ANKIB1: variants seen among roughly 807,000 people sequenced by gnomAD.
The protein encoded by ANKIB1 is ankyrin repeat and IBR domain-containing protein 1.
In ANKIB1, 43 loss-of-function variants were observed where a neutral mutation model predicts 122.1. That is an observed-to-expected ratio of 0.35 (90% CI 0.28 to 0.45). The LOEUF is 0.45. Ranked by LOEUF, ANKIB1 falls within the 20% of genes least tolerant of loss-of-function variation. ANKIB1 has a pLI of 1.00. For missense variants in ANKIB1, 992 were observed against 1,329.5 expected (o/e 0.75, Z 3.95); for synonymous variants, 390 against 442.0 (o/e 0.88, Z 1.48).
chr7:92,285,119 G>A (rs1802092528), intron 1 of ANKIB1, among the ~76,000 whole-genome samples: 1 of 152,142 alleles, frequency 6.6e-6, no homozygotes, highest in Non-Finnish European at 1.5e-5. Flanking sequence ...CCAGGCTGGA[G>A]TGCAGTGGCA....
At chr7:92,386,751 TA>T (rs1460626197) in intron 12 of ANKIB1, 108 bp downstream of exon 12, 9 of 1,022,700 alleles carry the variant, frequency 8.8e-6, no homozygotes, top group Non-Finnish European at 1.2e-5. Context: ...TTAAATTGAA[TA>T]TACTTTATTA....
intron 15 of ANKIB1, 129 bp downstream of exon 15, chr7:92,390,245 A>G (rs866530035): frequency 8.0e-5 from 62 of 772,216 alleles, no homozygotes; most frequent in South Asian, 6.0e-4. Context: ...CATTTTTTAA[A>G]TGGTTTTTAA....
chr7:92,383,133 A>G (rs1804557733), intron 11 of ANKIB1, among the ~76,000 whole-genome samples: 1 of 152,244 alleles, frequency 6.6e-6, no homozygotes, highest in African/African-American at 2.4e-5. Flanking sequence ...ATAAACTAGA[A>G]AATCTAGAAG....
At chr7:92,306,100 T>C (rs1417074233) in intron 2 of ANKIB1, among the ~76,000 whole-genome samples, 3 of 147,654 alleles carry the variant, frequency 2.0e-5, no homozygotes, top group African/African-American at 7.4e-5. Context: ...CCTTCTTCTA[T>C]AACATCCCAG....
At chr7:92,342,131 G>A (rs2131974839) in intron 5 of ANKIB1, among the ~76,000 whole-genome samples, 1 of 152,058 alleles carries the variant, frequency 6.6e-6, no homozygotes, top group East Asian at 1.9e-4. Context: ...TGCCTACAGT[G>A]AATAATTTAC....
intron 5 of ANKIB1, among the ~76,000 whole-genome samples, chr7:92,335,659 A>AAT (rs1803272448): frequency 6.6e-6 from 1 of 151,934 alleles, no homozygotes; most frequent in Non-Finnish European, 1.5e-5. Context: ...ATCTGATACT[A>AAT]ATATAGCACT....
chr7:92,312,500 A>G (rs1396853198), intron 3 of ANKIB1, among the ~76,000 whole-genome samples: 1 of 152,190 alleles, frequency 6.6e-6, no homozygotes, highest in Admixed American at 6.5e-5. Context: ...GCCACAGACA[A>G]TACAGAAACA....
chr7:92,319,215 C>T (rs984037471), intron 3 of ANKIB1, 115 bp from the exon 4 acceptor site: 2 of 640,548 alleles, frequency 3.1e-6, no homozygotes, highest in Non-Finnish European at 2.6e-6. Flanking sequence ...ACATACTGTA[C>T]ATACTGTTGC....
chr7:92,337,837 T>A (rs1416895814), intron 5 of ANKIB1, among the ~76,000 whole-genome samples: 4 of 152,154 alleles, frequency 2.6e-5, no homozygotes, highest in Non-Finnish European at 5.9e-5. Context: ...TAGTTATTTA[T>A]TGAAATCTAA....
chr7:92,281,825 GTAGT>G (rs1802016929), intron 1 of ANKIB1, among the ~76,000 whole-genome samples: 1 of 152,136 alleles, frequency 6.6e-6, no homozygotes, highest in Non-Finnish European at 1.5e-5. Flanking sequence ...GTTGTTCTTT[GTAGT>G]TAGTTTGAGA....
Position 92,343,215 on chromosome 7 carries a change from G to A in ANKIB1, c.979G>A (p.Asp327Asn). Residue 327 changes from aspartate to asparagine, a missense_variant, in exon 6 of 20, where the codon GAT becomes AAT. Physicochemically the swap from Asp to Asn is conservative, Grantham distance 23 (BLOSUM62 1). Around this residue, in one of 4 missense-constraint regions of ANKIB1, gnomAD observed 521 missense variants for 777.7 expected, o/e 0.67. Transcript: ENST00000265742. The stretch of plus-strand genomic sequence containing the variant: ...AGATGAAATCAGCTTATCTCCTGGG[G>A]ATTTAGACACCAGTTTGGTATGGTT... ...SPDEISLSPGDLDTSLCDICM... is the reference protein window; with the variant it reads ...SPDEISLSPGNLDTSLCDICM... 1 of 1,613,760 alleles carries A rather than the reference G, an allele frequency of 6.2e-7. No homozygotes were observed. Among genetic ancestry groups the A allele is most frequent in the Non-Finnish European group, 8.5e-7 (1 of 1,179,784 alleles).
intron 5 of ANKIB1, among the ~76,000 whole-genome samples, chr7:92,337,224 G>C (rs1390259392): frequency 1.3e-5 from 2 of 152,148 alleles, no homozygotes; most frequent in Non-Finnish European, 2.9e-5. Flanking sequence ...CTAGAGCTCA[G>C]AATCATTTAA....
At chr7:92,343,962 T>A (rs1294864140) in intron 6 of ANKIB1, among the ~76,000 whole-genome samples, 1 of 152,122 alleles carries the variant, frequency 6.6e-6, no homozygotes, top group African/African-American at 2.4e-5. Flanking sequence ...ATTTCTTGAA[T>A]GACTCAGCCA....
Position 92,366,526 on chromosome 7 carries a change from A to G in ANKIB1, c.1486+4253A>G, listed in dbSNP as rs143308723. 3.5e-3 allele frequency among the ~76,000 whole-genome samples: 531 copies of G among 152,316 alleles called. 4 individuals carry two copies. Among genetic ancestry groups the G allele is most frequent in the African/African-American group, 0.012 (500 of 41,566 alleles). ...TCATTCACTCAAGCAGTCTTAAACT[A>G]TGGGTATGATCTTTTAGGTTTATAT... On this transcript the variant is annotated intron_variant, in intron 10 of 19. Transcript: ENST00000265742.
intron 2 of ANKIB1, among the ~76,000 whole-genome samples, chr7:92,300,293 T>G (rs1467074809): frequency 6.6e-6 from 1 of 152,224 alleles, no homozygotes; most frequent in African/African-American, 2.4e-5. Flanking sequence ...CAGTTTGGAT[T>G]ATTTTTATGA....
intron 11 of ANKIB1, among the ~76,000 whole-genome samples, chr7:92,372,130 T>C (rs538705225): frequency 2.1e-4 from 32 of 152,248 alleles, no homozygotes; most frequent in African/African-American, 7.2e-4. Flanking sequence ...ACTGTCTCCA[T>C]ACAATTGGCT....
chr7:92,390,111 A>C lies in ANKIB1; in HGVS notation c.2047A>C (p.Met683Leu), dbSNP rs1161498548. ...KSTKKEIFEL[M>L]QTDLEMVTED... ...CACAAAGAAAGAAATTTTTGAACTA[A>C]TGCAAGTAAGATTTTTTTAATTACA... is the stretch of plus-strand genomic sequence containing the variant. Residue 683 changes from methionine (M) to leucine (L), a missense_variant, in exon 15 of 20, where the codon ATG (methionine) becomes CTG (leucine). Physicochemically the swap from Met to Leu is conservative, Grantham distance 15 (BLOSUM62 2). Around this residue, in one of 4 missense-constraint regions of ANKIB1, gnomAD observed 521 missense variants for 777.7 expected, o/e 0.67. Coordinates refer to ENST00000265742, the MANE Select transcript of ANKIB1 (RefSeq NM_019004.2). 1 of 1,566,912 alleles carries C rather than the reference A, an allele frequency of 6.4e-7. No individual in the cohort carries two copies. The highest frequency in any genetic ancestry group is 8.6e-7 in the Non-Finnish European group (1 of 1,162,770).
At chr7:92,284,119 A>G (rs139697873) in intron 1 of ANKIB1, among the ~76,000 whole-genome samples, 120 of 152,310 alleles carry the variant, frequency 7.9e-4, no homozygotes, top group Middle Eastern at 3.4e-3. Context: ...TTTCAATATA[A>G]TATTTGTGAC....
In ANKIB1 at chr7:92,397,770, G is replaced by A. The variant is rs1220205884; in HGVS notation, c.2443G>A (p.Val815Ile). The A allele has an allele frequency of 1.2e-6, 2 of 1,610,754 alleles. No individual in the cohort carries two copies. The highest frequency in any genetic ancestry group is 1.7e-5 in the Admixed American group (1 of 59,218). The change falls in exon 19 of 20, where the codon GTA becomes ATA. Residue 815 changes from valine (V) to isoleucine (I), a missense_variant. Val to Ile is a conservative substitution (Grantham distance 29). This residue lies in a region of ANKIB1 where 384 missense variants were observed against 412.0 expected (regional missense o/e 0.93). Transcript: ENST00000265742. ...SSSRRPGTSV[V>I]SSASMSVLHS... ...CAGCCGCAGGCCTGGCACATCCGTG[G>A]TAAGTTCTGCATCTATGAGTGTGCT...
Sources: allele counts gnomAD v4.1 joint callset (sites outside exome capture counted in the v4.1 genomes callset), GRCh38; gene constraint gnomAD v4.1.1; regional missense constraint gnomAD v4.1.1; transcripts MANE v1.5; gene names NCBI Gene and HGNC (gene_info 2026-07-23, HGNC 2026-07-21).